Variants in NLRP4 observed in about 807,000 individuals in gnomAD.
NLRP4 encodes NLR family pyrin domain containing 4.
In NLRP4, 44 loss-of-function variants were observed where a neutral mutation model predicts 84.7. The ratio of observed to expected loss-of-function variants is 0.52; its 90% CI spans 0.41 to 0.67. The LOEUF is 0.67. Among genes scored for constraint, NLRP4 ranks in the 30% least tolerant of loss-of-function variants. The probability of loss-of-function intolerance (pLI) is 0.00; values close to 1 mark genes in which losing one functional copy is unlikely to be tolerated. For synonymous variants in NLRP4, 544 were observed against 476.4 expected, an observed-to-expected ratio of 1.14 and a Z score of -1.85; for missense variants, 1,260 against 1,219.4, an observed-to-expected ratio of 1.03 and a Z score of -0.50.
chr19:55,861,666 CA>C, intron 4 of NLRP4, 119 bp downstream of exon 4: 1 of 894,426 alleles, frequency 1.1e-6, no homozygotes. Context: ...AGCAGTTGCT[CA>C]ACCTCAGCAC....
chr19:55,879,790 C>T (rs1292917065), intron 9 of NLRP4, among the ~76,000 whole-genome samples: 1 of 151,812 alleles, frequency 6.6e-6, no homozygotes, highest in Non-Finnish European at 1.5e-5. Context: ...TTTGCCCTCA[C>T]TATCTGCCTA....
At chr19:55,863,152 G>A (rs943116522) in intron 5 of NLRP4, among the ~76,000 whole-genome samples, 3 of 152,154 alleles carry the variant, frequency 2.0e-5, no homozygotes, top group South Asian at 2.1e-4. Context: ...ACTCTCGGTC[G>A]TATGCAAAAA....
In NLRP4 at chr19:55,870,843, C is replaced by T. The variant is rs551653388; in HGVS notation, c.2371C>T (p.Leu791Phe). ...TCCCCATAGGTTGGCTTTCTGCCAC[C>T]TCAGCGAGCAGTGCTGCGAATACAT... ...LVYLMLAFCH[L>F]SEQCCEYISE... is the part of the protein sequence containing the mutation. Residue 791 changes from leucine (L) to phenylalanine (F), a missense_variant, in exon 7 of 10, where the codon CTC (leucine) becomes TTC (phenylalanine). Transcript: ENST00000301295. 9 of 1,613,562 alleles carry T rather than the reference C, an allele frequency of 5.6e-6. No individual in the cohort carries two copies. The highest frequency in any genetic ancestry group is 7.6e-6 in the Non-Finnish European group (9 of 1,179,608).
chr19:55,871,777 G>A (rs1211031540), intron 7 of NLRP4, among the ~76,000 whole-genome samples: 1 of 151,288 alleles, frequency 6.6e-6, no homozygotes, highest in Non-Finnish European at 1.5e-5. Context: ...GGCACTGAAA[G>A]ACACCAAAAA....
intron 1 of NLRP4, among the ~76,000 whole-genome samples, chr19:55,839,626 A>C (rs1983532139): frequency 1.3e-5 from 2 of 152,136 alleles, no homozygotes; most frequent in South Asian, 4.1e-4. Flanking sequence ...TCTGTAGGGT[A>C]TGTAGTGGTG....
At chr19:55,837,607 A>AACACACACCAGACACACACACACACAC (rs1555805877) in intron 1 of NLRP4, among the ~76,000 whole-genome samples, 3 of 151,470 alleles carry the variant, frequency 2.0e-5, no homozygotes, top group East Asian at 3.9e-4. Context: ...CAACCCTAAA[A>AACACACACCAGACACACACACACACAC]ACACACACAC....
chr19:55,878,686 T>A (rs1985467017), intron 8 of NLRP4, 108 bp from the exon 9 acceptor site: 7 of 913,014 alleles, frequency 7.7e-6, no homozygotes, highest in Admixed American at 2.7e-5. Context: ...TGTGAGAGAT[T>A]GCACTTGAGG....
rs373243158 is a variant in NLRP4 at position 55,858,518 on chromosome 19, C to A, written c.1125C>A (p.Phe375Leu). Residue 375 changes from phenylalanine (F) to leucine (L), a missense_variant, in exon 3 of 10, where the codon TTC (phenylalanine) becomes TTA (leucine). Physicochemically the swap from Phe to Leu is conservative, Grantham distance 22. This residue lies in a region of NLRP4 where 712 missense variants were observed against 669.2 expected (regional missense o/e 1.06). Transcript: ENST00000301295. This position sits in a 1 kb window ranked among gnomAD's most constrained non-coding sequence, Gnocchi z 4.2. ...CQSTTSVYSS[F>L]VFNLFTPEGA... Reference sequence around the variant, plus strand: ...GCACTACCTCTGTGTACTCCTCTTTCGTCTTTAACCTGTTCACACCTGAGG... The same window carrying A: ...GCACTACCTCTGTGTACTCCTCTTTAGTCTTTAACCTGTTCACACCTGAGG... 2.5e-6 allele frequency: 4 copies of A among 1,614,176 alleles called. No homozygotes were observed. Among genetic ancestry groups the A allele is most frequent in the Admixed American group, 1.7e-5 (1 of 60,028 alleles).
At position 55,839,160 on chromosome 19, in the gene NLRP4, A is replaced by G. The variant is rs185453352; in HGVS notation, c.-66+2226A>G. ...CTCACCCACGGGCCTCAGTGTGTGAATGTTCCCCTCCCTGTGTCCGTTTGT... is the reference window on the plus strand; with the variant it reads ...CTCACCCACGGGCCTCAGTGTGTGAGTGTTCCCCTCCCTGTGTCCGTTTGT... On this transcript the variant is annotated intron_variant, in intron 1 of 9. Coordinates refer to ENST00000301295, the MANE Select transcript of NLRP4 (RefSeq NM_134444.5). 4.8e-3 allele frequency among the ~76,000 whole-genome samples: 728 copies of G among 152,050 alleles called. 1 individual carries two copies. The highest frequency in any genetic ancestry group is 7.5e-3 in the Non-Finnish European group (510 of 67,990).
At chr19:55,870,711 C>T (rs900929525) in intron 6 of NLRP4, 116 bp from the exon 7 acceptor site, 3 of 696,736 alleles carry the variant, frequency 4.3e-6, no homozygotes, top group African/African-American at 3.6e-5. Context: ...AGAACTTCAT[C>T]TCAGCTGGGG....
At chr19:55,851,708 G>T (rs62127059) in intron 1 of NLRP4, among the ~76,000 whole-genome samples, 9,168 of 43,294 alleles carry the variant, frequency 0.21, 760 homozygotes, top group African/African-American at 0.33. Flanking sequence ...GCGGTGTAAT[G>T]TCCGAGGCTG....
chr19:55,852,296 C>G lies in NLRP4; in HGVS notation c.216C>G (p.Thr72=). The G allele has an allele frequency of 6.2e-7, 1 of 1,606,276 alleles. No individual in the cohort carries two copies. Among genetic ancestry groups the G allele is most frequent in the East Asian group, 2.2e-5 (1 of 44,810 alleles). ...HYEEQQAWNI[T]LRIFQKMDRK... is the part of the protein sequence containing the mutation. ...AAGAACAACAAGCTTGGAACATAAC[C>G]TTAAGAATCTTTCAAAAGATGGATA... is the stretch of plus-strand genomic sequence containing the variant. Residue 72 remains threonine, a synonymous_variant, in exon 2 of 10, where the codon ACC becomes ACG. Coordinates refer to ENST00000301295, the MANE Select transcript of NLRP4 (RefSeq NM_134444.5).
In NLRP4 at chr19:55,858,992, G is replaced by T; in HGVS notation, c.1599G>T (p.Gln533His). ...LSQEIKQQIH[Q>H]CLKSLGERGN... The stretch of plus-strand genomic sequence containing the variant: ...AAGAGATAAAGCAGCAAATTCACCA[G>T]TGCCTGAAGAGCTTAGGGGAGCGTG... Residue 533 changes from glutamine to histidine, a missense_variant, in exon 3 of 10, where the codon CAG becomes CAT. Physicochemically the swap from Gln to His is conservative, Grantham distance 24. Coordinates refer to ENST00000301295, the MANE Select transcript of NLRP4 (RefSeq NM_134444.5). This position sits in a 1 kb window ranked among gnomAD's most constrained non-coding sequence, Gnocchi z 4.2. The T allele has an allele frequency of 6.2e-7, 1 of 1,614,172 alleles. No homozygotes were observed. Among genetic ancestry groups the T allele is most frequent in the Non-Finnish European group, 8.5e-7 (1 of 1,180,026 alleles).
rs747576848 is a variant in NLRP4 at position 55,867,874 on chromosome 19, G to T, written c.2352G>T (p.Leu784=). ...GCCCAGACACGGTCCTGGTATACCT[G>T]ATGTGAGTGGATGTTGGGGGTGCCT... is the stretch of plus-strand genomic sequence containing the variant. The part of the protein sequence containing the change: ...LCSPDTVLVY[L]MLAFCHLSEQ... The change falls in exon 6 of 10, where the codon CTG becomes CTT. Residue 784 remains leucine, a splice_region_variant and synonymous_variant. Transcript: ENST00000301295. 1 of 1,613,404 alleles carries T rather than the reference G, an allele frequency of 6.2e-7. No individual in the cohort carries two copies. Among genetic ancestry groups the T allele is most frequent in the South Asian group, 1.1e-5 (1 of 90,980 alleles).
intron 6 of NLRP4, 111 bp downstream of exon 6, chr19:55,867,987 AGC>A: frequency 1.1e-6 from 1 of 936,178 alleles, no homozygotes; most frequent in Non-Finnish European, 1.6e-6. Flanking sequence ...GAGGTTTAAA[AGC>A]TCACGCTTAA....
At chr19:55,850,398 C>T (rs1471998060) in intron 1 of NLRP4, among the ~76,000 whole-genome samples, 3 of 53,870 alleles carry the variant, frequency 5.6e-5, no homozygotes, top group African/African-American at 2.5e-4. Context: ...TCCGTGGCTG[C>T]GGTGTAATGT....
intron 2 of NLRP4, among the ~76,000 whole-genome samples, chr19:55,853,862 CCTCTCTCTTT>C (rs1389358338): frequency 1.5e-5 from 2 of 137,606 alleles, no homozygotes; most frequent in South Asian, 2.5e-4. Context: ...TCTCTCTCTT[CCTCTCTCTTT>C]CTCTCTTGCT....
At chr19:55,853,889 T>TTCTCTCTC (rs145906779) in intron 2 of NLRP4, among the ~76,000 whole-genome samples, 3,583 of 132,206 alleles carry the variant, frequency 0.027, 109 homozygotes, top group East Asian at 0.09. Flanking sequence ...TGCTATCTCT[T>TTCTCTCTC]TCTCTCTCTC....
chr19:55,842,727 AT>A (rs1319691294), intron 1 of NLRP4, among the ~76,000 whole-genome samples: 2 of 151,848 alleles, frequency 1.3e-5, no homozygotes, highest in Non-Finnish European at 2.9e-5. Context: ...AAAATTTGTC[AT>A]TTATCTGCAA....
Sources: allele counts gnomAD v4.1 joint callset (sites outside exome capture counted in the v4.1 genomes callset), GRCh38; gene constraint gnomAD v4.1.1; regional missense constraint gnomAD v4.1.1; non-coding constraint Gnocchi (gnomAD v3.1); transcripts MANE v1.5; gene names NCBI Gene and HGNC (gene_info 2026-07-23, HGNC 2026-07-21).